Variants in SH2B1 observed in about 807,000 individuals in gnomAD.
SH2B1 encodes the protein SH2B adaptor protein 1.
Under a neutral mutation model 62.6 loss-of-function variants are expected in SH2B1, and 15 were observed. That is an observed-to-expected ratio of 0.24 (90% CI 0.16 to 0.37). The LOEUF is 0.37. Ranked by LOEUF, SH2B1 falls within the 10% of genes least tolerant of loss-of-function variation. The pLI is 1.00. For synonymous variants in SH2B1, 443 were observed against 438.0 expected, an observed-to-expected ratio of 1.01 and a Z score of -0.14; for missense variants, 925 against 1,015.6, an observed-to-expected ratio of 0.91 and a Z score of 1.21.
chr16:28,848,667 CCTTT>C (rs1450483074), intron 1 of SH2B1, among the ~76,000 whole-genome samples: 6 of 127,904 alleles, frequency 4.7e-5, no homozygotes, highest in African/African-American at 1.9e-4. Context: ...ACCGCACTGT[CCTTT>C]TTTTTTTTTT....
chr16:28,859,527 A>C (rs558788801), upstream of SH2B1, among the ~76,000 whole-genome samples: 2 of 152,156 alleles, frequency 1.3e-5, no homozygotes, highest in African/African-American at 4.8e-5. Context: ...GCTACTTACG[A>C]GATGACAACC....
At position 28,873,850 on chromosome 16, in the gene SH2B1, A is replaced by C. The variant is rs934841308; in HGVS notation, c.*30A>C. The C allele has an allele frequency of 1.0e-5, 14 of 1,400,554 alleles. No individual in the cohort carries two copies. In the East Asian group the frequency reaches 2.2e-4, roughly 22 times the overall value. 86.8% of individuals were successfully genotyped at this position (1,400,554 alleles called of 1,614,324 possible). ...ACCCCACCCGCTCCACCCTTTTTAAACCCCCCAGCCCTGCTCGTGAGATTG... is the reference window on the plus strand; with the variant it reads ...ACCCCACCCGCTCCACCCTTTTTAACCCCCCCAGCCCTGCTCGTGAGATTG... On this transcript the variant is annotated 3_prime_UTR_variant, in exon 8 of 8. Transcript: ENST00000684370. This position sits in a 1 kb window ranked among gnomAD's most constrained non-coding sequence, Gnocchi z 4.2.
upstream of SH2B1, among the ~76,000 whole-genome samples, chr16:28,860,668 A>G (rs11861174): frequency 0.34 from 51,871 of 152,014 alleles, 9,520 homozygotes; most frequent in Admixed American, 0.41. Context: ...CCATGGCAGC[A>G]CACCCTGTGA....
Position 28,865,959 on chromosome 16 carries a change from C to A in SH2B1, c.-136C>A, listed in dbSNP as rs935888886. The A allele has an allele frequency of 3.0e-5, 44 of 1,446,182 alleles. No individual in the cohort carries two copies. The highest frequency in any genetic ancestry group is 3.8e-5 in the Non-Finnish European group (42 of 1,106,538). 89.6% of individuals were successfully genotyped at this position (1,446,182 alleles called of 1,614,324 possible). A position where few individuals can be genotyped will look rare whatever the true frequency, so the allele number is the denominator to read the frequency against. ...TCTGGCTGGGGGTGGGATGCAGCCT[C>A]CGGTGCGCCCTCAGCAGTGACCCTC... On this transcript the variant is annotated 5_prime_UTR_variant, in exon 1 of 8. Transcript: ENST00000684370.
chr16:28,872,034 T>A lies in SH2B1; in HGVS notation c.1513+51T>A, dbSNP rs758200387. On this transcript the variant is annotated intron_variant, in intron 5 of 7. Transcript: ENST00000684370. The surrounding 1 kb of genome is among the most constrained non-coding windows in gnomAD (Gnocchi z 5.3). ...CTCCAGGCCTGGGTGCCTACCTTCC[T>A]GACCACCTCTCCTGGGATCCCGAGG... 1.8e-5 allele frequency: 24 copies of A among 1,351,384 alleles called. 1 individual carries two copies. Among genetic ancestry groups the A allele is most frequent in the Middle Eastern group, 2.4e-4 (1 of 4,254 alleles). 83.7% of individuals were successfully genotyped at this position (1,351,384 alleles called of 1,614,324 possible).
rs764301770 is a variant in SH2B1, at chr16:28,869,198, GTC to G, written c.1134-6_1134-5del. On this transcript the variant is annotated splice_region_variant and splice_polypyrimidine_tract_variant and intron_variant, in intron 3 of 7. Transcript: ENST00000684370. ...CTTTCCTCCCAGCACCATCTTCCCTGTCTCTGCAGACCCTGCCCTGCTACCAG... is the reference window on the plus strand; with the variant it reads ...CTTTCCTCCCAGCACCATCTTCCCTGTCTGCAGACCCTGCCCTGCTACCAG... 3 of 1,613,920 alleles carry G rather than the reference GTC, an allele frequency of 1.9e-6. No homozygotes were observed. Among genetic ancestry groups the G allele is most frequent in the Non-Finnish European group, 2.5e-6 (3 of 1,179,884 alleles).
intron 2 of SH2B1, 82 bp from the exon 3 acceptor site, chr16:28,868,924 C>G (rs371778116): frequency 1.9e-6 from 2 of 1,039,796 alleles, no homozygotes; most frequent in African/African-American, 3.1e-5. Context: ...TGTAGACAGC[C>G]TGCATACATT....
intron 1 of SH2B1, among the ~76,000 whole-genome samples, chr16:28,851,585 C>G (rs1962100400): frequency 6.6e-6 from 1 of 150,792 alleles, no homozygotes. Flanking sequence ...GCCTCACCCT[C>G]CCAAGTAGCT....
Position 28,866,616 on chromosome 16 carries a change from G to A in SH2B1, c.522G>A (p.Gly174=), listed in dbSNP as rs1293756951. The A allele has an allele frequency of 1.2e-6, 2 of 1,613,976 alleles. No individual in the cohort carries two copies. The highest frequency in any genetic ancestry group is 4.5e-5 in the East Asian group (2 of 44,868). The change falls in exon 1 of 8, where the codon GGG becomes GGA. Residue 174 remains glycine, a synonymous_variant. Coordinates refer to ENST00000684370, the MANE Select transcript of SH2B1 (RefSeq NM_001387430.1). The surrounding 1 kb of genome is among the most constrained non-coding windows in gnomAD (Gnocchi z 6.3). ...TCCGTGGCATCCTGCAGTGGCGGGG[G>A]ACCGTTGACCCTCCCTCCTCCGCTG... The part of the protein sequence containing the change: ...GSVRGILQWR[G]TVDPPSSAGP...
At chr16:28,859,015 C>T (rs182278954), upstream of SH2B1, among the ~76,000 whole-genome samples, 27 of 151,536 alleles carry the variant, frequency 1.8e-4, no homozygotes, top group African/African-American at 6.3e-4. Context: ...GATCTTGGCT[C>T]ACTGCAACCT....
At position 28,864,028 on chromosome 16, in the gene SH2B1, G is replaced by T; in HGVS notation, c.-2067G>T. The T allele has an allele frequency of 1.4e-6, 2 of 1,394,986 alleles. No individual in the cohort carries two copies. Among genetic ancestry groups the T allele is most frequent in the Non-Finnish European group, 1.9e-6 (2 of 1,074,998 alleles). The allele number at this position is 1,394,986 out of a possible 1,614,324, so 86.4% of individuals were successfully genotyped here. ...CCCTGGCGCCCGAGAGGATTCCTGG[G>T]TGGGGGTGGGCGTGGAGGGCCGGGG... On this transcript the variant is annotated 5_prime_UTR_variant, in exon 1 of 8. Coordinates refer to ENST00000684370, the MANE Select transcript of SH2B1 (RefSeq NM_001387430.1).
At chr16:28,852,668 T>TTA (rs1397302185) in intron 1 of SH2B1, among the ~76,000 whole-genome samples, 2 of 84,640 alleles carry the variant, frequency 2.4e-5, no homozygotes, top group East Asian at 3.4e-4. Flanking sequence ...ACATATATAT[T>TTA]TATATATATA....
At chr16:28,856,460 T>C (rs966900891) in intron 1 of SH2B1, among the ~76,000 whole-genome samples, 3 of 152,164 alleles carry the variant, frequency 2.0e-5, no homozygotes, top group Non-Finnish European at 4.4e-5. Context: ...GATGGGTCAC[T>C]GTACCTTCTT....
At position 28,873,724 on chromosome 16, in the gene SH2B1, GC is replaced by G. The variant is rs1396360679; in HGVS notation, c.2180del (p.Pro727GlnfsTer10). On this transcript the variant is annotated frameshift_variant, in exon 8 of 8. Coordinates refer to ENST00000684370, the MANE Select transcript of SH2B1 (RefSeq NM_001387430.1). LOFTEE classifies it high-confidence loss of function. The surrounding 1 kb of genome is among the most constrained non-coding windows in gnomAD (Gnocchi z 4.2). ...CTGGGTCTGGTGGGGACGCGGGGGT[GC>G]CCCCAATGGTGCAGCTGCAGCAGTC... Reference protein sequence around the residue: ...GAGSGGDAGVPPMVQLQQSPL... With the variant: ...GAGSGGDAGVXPMVQLQQSPL... 3.4e-6 allele frequency: 5 copies of G among 1,492,034 alleles called. No homozygotes were observed. Among genetic ancestry groups the G allele is most frequent in the Non-Finnish European group, 3.6e-6 (4 of 1,119,614 alleles). The allele number at this position is 1,492,034 out of a possible 1,614,324, so 92.4% of individuals were successfully genotyped here.
chr16:28,873,281 C>G lies in SH2B1; in HGVS notation c.1898-166C>G. The G allele has an allele frequency of 6.2e-7, 1 of 1,602,324 alleles. No individual in the cohort carries two copies. The highest frequency in any genetic ancestry group is 8.5e-7 in the Non-Finnish European group (1 of 1,174,682). ...GCGAGTGACTGTGTGTAAGTGTGGT[C>G]CTCCTCTCACCACCGCCCATGATCC... On this transcript the variant is annotated intron_variant, in intron 7 of 7. Transcript: ENST00000684370. The surrounding 1 kb of genome is among the most constrained non-coding windows in gnomAD (Gnocchi z 4.2).
rs1962713224 is a variant in SH2B1 at position 28,866,515 on chromosome 16, T to A, written c.421T>A (p.Ser141Thr). The part of the protein sequence containing the change: ...GPLPSSVSSS[S>T]TTSSKPKLKK... ...CCTCCCTTCCTCAGTCTCTTCCTCCTCTACAACCTCCTCCAAGCCGAAGCT... is the reference window on the plus strand; with the variant it reads ...CCTCCCTTCCTCAGTCTCTTCCTCCACTACAACCTCCTCCAAGCCGAAGCT... Residue 141 changes from serine to threonine, a missense_variant, in exon 1 of 8, where the codon TCT becomes ACT. Physicochemically the swap from Ser to Thr is moderately conservative, Grantham distance 58 (BLOSUM62 1). Transcript: ENST00000684370. The surrounding 1 kb of genome is among the most constrained non-coding windows in gnomAD (Gnocchi z 6.3). 2 of 1,614,042 alleles carry A rather than the reference T, an allele frequency of 1.2e-6. No homozygotes were observed. Among genetic ancestry groups the A allele is most frequent in the East Asian group, 4.5e-5 (2 of 44,846 alleles).
chr16:28,870,962 C>T (rs556196947), intron 4 of SH2B1, among the ~76,000 whole-genome samples: 1 of 151,500 alleles, frequency 6.6e-6, no homozygotes, highest in African/African-American at 2.4e-5. Context: ...GCTGGGATTA[C>T]AGGCGTGAGC....
rs1567458950 is a variant in SH2B1, at chr16:28,852,657, C to CACATATATATTTATATATATATTT, written c.-301+5852_-301+5875dup. 1.4e-3 allele frequency among the ~76,000 whole-genome samples: 92 copies of CACATATATATTTATATATATATTT among 64,982 alleles called. 9 individuals carry two copies. The highest frequency in any genetic ancestry group is 2.1e-3 in the Admixed American group (7 of 3,308). The allele number at this position is 64,982 out of a possible 152,430, so 42.6% of individuals were successfully genotyped here. On this transcript the variant is annotated intron_variant, in intron 1 of 10. Transcript: ENST00000322610. ...ATACACATATATATTTATATATATA[C>CACATATATATTTATATATATATTT]ACATATATATTTATATATATATTTA...
chr16:28,868,923 C>T (rs1962879753), intron 2 of SH2B1, 83 bp from the exon 3 acceptor site: 2 of 1,030,218 alleles, frequency 1.9e-6, no homozygotes, highest in African/African-American at 1.6e-5. Flanking sequence ...TTGTAGACAG[C>T]CTGCATACAT....
Sources: gnomAD v4.1 joint callset for allele counts (sites outside exome capture counted in the v4.1 genomes callset) on GRCh38, gnomAD v4.1.1 for gene constraint, Gnocchi (gnomAD v3.1) non-coding constraint, MANE v1.5 for transcripts, NCBI Gene and HGNC (gene_info 2026-07-23, HGNC 2026-07-21) for gene names.